TSHZ2: variants seen among roughly 807,000 people sequenced by gnomAD.
TSHZ2 encodes the protein teashirt homolog 2.
A neutral mutation model predicts 74.4 loss-of-function variants in TSHZ2; 21 were observed. The ratio of observed to expected loss-of-function variants is 0.28; its 90% CI spans 0.20 to 0.41. TSHZ2 has a LOEUF of 0.41. Ranked by LOEUF, TSHZ2 falls within the 10% of genes least tolerant of loss-of-function variation. TSHZ2 has a pLI of 1.00. For synonymous variants in TSHZ2, 540 were observed against 515.3 expected (o/e 1.05, Z -0.65); for missense variants, 1,244 against 1,293.5 (o/e 0.96, Z 0.59).
intron 1 of TSHZ2, among the ~76,000 whole-genome samples, chr20:53,080,281 T>G (rs1985491187): frequency 1.3e-5 from 2 of 152,176 alleles, no homozygotes; most frequent in Non-Finnish European, 2.9e-5. Context: ...CCACTAAATT[T>G]CTGCTTCTTA....
intron 1 of TSHZ2, among the ~76,000 whole-genome samples, chr20:53,228,357 C>T (rs1989737766): frequency 2.6e-5 from 4 of 152,164 alleles, no homozygotes; most frequent in Admixed American, 2.6e-4. Flanking sequence ...CTAGAGCTCA[C>T]AGTTATTCCT....
chr20:53,404,739 T>C (rs1297100780), intron 2 of TSHZ2, among the ~76,000 whole-genome samples: 1 of 152,208 alleles, frequency 6.6e-6, no homozygotes, highest in African/African-American at 2.4e-5. Context: ...TAAGGTTTAT[T>C]AACGAAATAT....
At chr20:53,149,367 G>T (rs770428358) in intron 1 of TSHZ2, among the ~76,000 whole-genome samples, 10 of 152,026 alleles carry the variant, frequency 6.6e-5, no homozygotes, top group Admixed American at 1.3e-4. Context: ...TCATTAAAAA[G>T]GGGGCTTTCC....
chr20:53,339,483 C>T (rs1353378460), intron 2 of TSHZ2, among the ~76,000 whole-genome samples: 3 of 152,170 alleles, frequency 2.0e-5, no homozygotes, highest in East Asian at 1.9e-4. Context: ...GAGACAGCTC[C>T]GTCCTTCTCA....
chr20:53,060,962 C>T (rs1984803351), intron 1 of TSHZ2, among the ~76,000 whole-genome samples: 1 of 152,086 alleles, frequency 6.6e-6, no homozygotes, highest in South Asian at 2.1e-4. Flanking sequence ...TATTCCTATC[C>T]ATTATCATAC....
chr20:53,059,519 T>C (rs1984752564), intron 1 of TSHZ2, among the ~76,000 whole-genome samples: 1 of 152,178 alleles, frequency 6.6e-6, no homozygotes, highest in Non-Finnish European at 1.5e-5. Context: ...TAACAGAGTC[T>C]TACAGATGAC....
intron 1 of TSHZ2, among the ~76,000 whole-genome samples, chr20:53,139,766 T>C (rs1987341967): frequency 6.6e-6 from 1 of 152,236 alleles, no homozygotes; most frequent in Non-Finnish European, 1.5e-5. Context: ...GTTCTCTTTT[T>C]CTGGTCCCTT....
chr20:53,024,944 C>T (rs6097195), intron 1 of TSHZ2, among the ~76,000 whole-genome samples: 6,465 of 152,072 alleles, frequency 0.043, 310 homozygotes, highest in South Asian at 0.13. Context: ...GTGAATACTG[C>T]CACAATAGAC....
rs1005177515 is a variant in TSHZ2 at position 53,382,489 on chromosome 20, A to G, written c.*9-104655A>G. On this transcript the variant is annotated intron_variant, in intron 2 of 2. Transcript: ENST00000371497. ...GGAAGAAATCAATGAAGCTGTCCCA[A>G]GATTATCCCACCATATGAGCCAATG... Among the ~76,000 whole-genome samples the G allele has an allele frequency of 2.0e-5, 3 of 152,328 alleles. No homozygotes were observed. In the Middle Eastern group the frequency reaches 0.01, roughly 518 times the overall value.
intron 1 of TSHZ2, among the ~76,000 whole-genome samples, chr20:53,045,985 A>G (rs1173016599): frequency 1.3e-5 from 2 of 152,152 alleles, no homozygotes; most frequent in African/African-American, 4.8e-5. Flanking sequence ...CTTATAAATC[A>G]AAAGGGTCGG....
chr20:53,454,875 C>T (rs751265551), intron 2 of TSHZ2, among the ~76,000 whole-genome samples: 8 of 152,196 alleles, frequency 5.3e-5, no homozygotes, highest in Non-Finnish European at 1.2e-4. Flanking sequence ...TGAAACTTAC[C>T]AGATCACCAC....
chr20:53,044,010 G>A (rs1377119273), intron 1 of TSHZ2, among the ~76,000 whole-genome samples: 1 of 152,162 alleles, frequency 6.6e-6, no homozygotes, highest in Non-Finnish European at 1.5e-5. Context: ...CTATGAGAGG[G>A]TATGTACTCC....
chr20:53,002,802 G>A (rs776681845), intron 1 of TSHZ2, among the ~76,000 whole-genome samples: 21 of 152,140 alleles, frequency 1.4e-4, no homozygotes, highest in Non-Finnish European at 2.6e-4. Flanking sequence ...CAGGTACGAC[G>A]TGTGTATTAA....
intron 1 of TSHZ2, among the ~76,000 whole-genome samples, chr20:53,119,949 C>T (rs1986765090): frequency 6.6e-6 from 1 of 152,154 alleles, no homozygotes; most frequent in Non-Finnish European, 1.5e-5. Context: ...TAATATTCAG[C>T]ATTTCTAACT....
At chr20:53,367,716 G>A (rs1054570446) in intron 2 of TSHZ2, among the ~76,000 whole-genome samples, 1 of 151,892 alleles carries the variant, frequency 6.6e-6, no homozygotes, top group African/African-American at 2.4e-5. Flanking sequence ...GACTACAGGC[G>A]CCTGCCACCA....
At chr20:53,347,899 A>G (rs1980500178) in intron 2 of TSHZ2, among the ~76,000 whole-genome samples, 1 of 152,190 alleles carries the variant, frequency 6.6e-6, no homozygotes, top group Non-Finnish European at 1.5e-5. Context: ...CAATGTGTGC[A>G]CCTATGCCAC....
At chr20:53,294,403 T>C (rs927814241) in intron 2 of TSHZ2, among the ~76,000 whole-genome samples, 3 of 152,134 alleles carry the variant, frequency 2.0e-5, no homozygotes, top group African/African-American at 7.2e-5. Context: ...TCCCCACCTC[T>C]TGCTCAGGAT....
At chr20:53,146,743 A>G (rs764676188) in intron 1 of TSHZ2, among the ~76,000 whole-genome samples, 1 of 152,210 alleles carries the variant, frequency 6.6e-6, no homozygotes, top group Non-Finnish European at 1.5e-5. Flanking sequence ...GTGTTGTGTG[A>G]ACAAAGAATA....
chr20:53,368,026 G>A (rs749825550), intron 2 of TSHZ2, among the ~76,000 whole-genome samples: 12 of 152,096 alleles, frequency 7.9e-5, no homozygotes, highest in Non-Finnish European at 1.2e-4. Context: ...GTGACGTAGC[G>A]CCGATTTCAC....
Sources: gnomAD v4.1 joint callset for allele counts (sites outside exome capture counted in the v4.1 genomes callset) on GRCh38, gnomAD v4.1.1 for gene constraint, MANE v1.5 for transcripts, NCBI Gene and HGNC (gene_info 2026-07-23, HGNC 2026-07-21) for gene names.